The following LRRC37A2 variants were observed in gnomAD, a reference collection of about 807,000 sequenced individuals.
LRRC37A2 encodes leucine-rich repeat-containing protein 37A2.
LRRC37A2 carries 9 observed loss-of-function variants against 68.8 expected under a neutral mutation model. The ratio of observed to expected loss-of-function variants is 0.13; its 90% CI spans 0.08 to 0.23. The LOEUF is 0.23. Ranked by LOEUF, LRRC37A2 falls within the 10% of genes least tolerant of loss-of-function variation. The pLI, the probability that LRRC37A2 is intolerant of heterozygous loss-of-function variation, is 1.00. For missense variants in LRRC37A2, 168 were observed against 950.4 expected, an observed-to-expected ratio of 0.18 and a Z score of 10.82; for synonymous variants, 63 against 367.6, an observed-to-expected ratio of 0.17 and a Z score of 9.48.
the LRRC37A2 span, among the ~76,000 whole-genome samples, chr17:46,566,764 T>TA: frequency 5.7e-5 from 1 of 17,578 alleles, no homozygotes; most frequent in African/African-American, 6.1e-5. Context: ...AGGAAAAGAA[T>TA]AAAGCATTTT....
the LRRC37A2 span, chr17:46,851,649 C>T: frequency 2.3e-6 from 3 of 1,283,114 alleles, no homozygotes; most frequent in Non-Finnish European, 2.9e-6. The surrounding 1 kb of genome is among the most constrained non-coding windows in gnomAD (Gnocchi z 4.3). Context: ...ATGCGCCCCC[C>T]GCCCGCGCTG....
chr17:46,722,323 T>C, the LRRC37A2 span, among the ~76,000 whole-genome samples: 1 of 152,208 alleles, frequency 6.6e-6, no homozygotes, highest in African/African-American at 2.4e-5. Context: ...CCTCCTGGCA[T>C]CTTCTGTGTT....
At chr17:46,503,225 A>G in the LRRC37A2 span, among the ~76,000 whole-genome samples, 1 of 131,182 alleles carries the variant, frequency 7.6e-6, no homozygotes, top group Admixed American at 7.8e-5. Flanking sequence ...AAAAAAAAAA[A>G]ATAGTCTTCA....
chr17:46,921,828 A>G, the LRRC37A2 span, among the ~76,000 whole-genome samples: 2 of 152,212 alleles, frequency 1.3e-5, no homozygotes, highest in African/African-American at 4.8e-5. Context: ...AAAAGTCAGG[A>G]AACAACAGCT....
the LRRC37A2 span, among the ~76,000 whole-genome samples, chr17:46,737,479 T>C: frequency 6.6e-6 from 1 of 152,136 alleles, no homozygotes; most frequent in African/African-American, 2.4e-5. Context: ...TTTTAGCTCA[T>C]ACGAGGTGCT....
At chr17:46,716,996 T>G in the LRRC37A2 span, among the ~76,000 whole-genome samples, 1 of 152,208 alleles carries the variant, frequency 6.6e-6, no homozygotes, top group African/African-American at 2.4e-5. Flanking sequence ...GTTTCCAGGT[T>G]TTTTTCACAA....
intron 6 of LRRC37A2, among the ~76,000 whole-genome samples, chr17:46,531,911 T>G (rs2053687342): frequency 7.5e-6 from 1 of 133,236 alleles, no homozygotes; most frequent in Non-Finnish European, 1.5e-5. Context: ...TACTCCCATG[T>G]TTTTGTGTAA....
At chr17:46,923,878 T>C in the LRRC37A2 span, 2 of 398,622 alleles carry the variant, frequency 5.0e-6, no homozygotes, top group Non-Finnish European at 8.8e-6. Flanking sequence ...TGAGTATTAA[T>C]GGGGCCATAC....
downstream of LRRC37A2, among the ~76,000 whole-genome samples, chr17:46,558,388 T>TTTGG (rs944314782): frequency 3.8e-5 from 4 of 105,520 alleles, 1 homozygote; most frequent in African/African-American, 1.7e-4. Flanking sequence ...TTTTTTTGTG[T>TTTGG]TTTGTTTGTT....
chr17:46,861,173 G>C, the LRRC37A2 span, among the ~76,000 whole-genome samples: 1 of 152,342 alleles, frequency 6.6e-6, no homozygotes, highest in East Asian at 1.9e-4. Flanking sequence ...CGACCCTGTG[G>C]CCCAGGCCCT....
the LRRC37A2 span, among the ~76,000 whole-genome samples, chr17:46,963,374 A>G: frequency 6.6e-6 from 1 of 152,180 alleles, no homozygotes; most frequent in Non-Finnish European, 1.5e-5. Flanking sequence ...GTAAAATCCC[A>G]TCTCTACTAA....
At chr17:47,024,825 A>T in the LRRC37A2 span, 83 of 639,650 alleles carry the variant, frequency 1.3e-4, no homozygotes, top group East Asian at 2.1e-3. Flanking sequence ...CAAATTAGAT[A>T]ATCTCTCAGA....
chr17:46,932,243 C>G, the LRRC37A2 span: 6 of 1,611,122 alleles, frequency 3.7e-6, no homozygotes, highest in Non-Finnish European at 4.2e-6. Context: ...CTTGACAGAT[C>G]GTGGGGGCTG....
the LRRC37A2 span, chr17:46,726,427 G>A: frequency 2.3e-6 from 2 of 871,698 alleles, no homozygotes; most frequent in Middle Eastern, 2.2e-4. Context: ...ATTTATTGTA[G>A]TCCAAAGTGT....
chr17:46,605,981 C>G, the LRRC37A2 span, among the ~76,000 whole-genome samples: 1 of 46,798 alleles, frequency 2.1e-5, no homozygotes, highest in Admixed American at 3.6e-4. Context: ...GAAACCTCGT[C>G]TCTACTAAAA....
the LRRC37A2 span, among the ~76,000 whole-genome samples, chr17:46,969,451 T>C: frequency 6.6e-6 from 1 of 152,166 alleles, no homozygotes; most frequent in East Asian, 1.9e-4. Context: ...GTTTCCCCTA[T>C]GTCACAGTGA....
chr17:46,934,701 A>C, the LRRC37A2 span, among the ~76,000 whole-genome samples: 1 of 152,336 alleles, frequency 6.6e-6, no homozygotes, highest in East Asian at 1.9e-4. Context: ...TAGTCAGAGA[A>C]AGCCTTTAGG....
chr17:46,823,620 G>T, the LRRC37A2 span, among the ~76,000 whole-genome samples: 1 of 151,810 alleles, frequency 6.6e-6, no homozygotes, highest in African/African-American at 2.4e-5. Context: ...GTGTTTTTTT[G>T]GTAGAGACAG....
the LRRC37A2 span, among the ~76,000 whole-genome samples, chr17:46,779,552 G>A: frequency 6.6e-6 from 1 of 152,214 alleles, no homozygotes. Flanking sequence ...TGGGCTGCGG[G>A]TGCCCTGCAC....
Sources: gnomAD v4.1 joint callset for allele counts (sites outside exome capture counted in the v4.1 genomes callset) on GRCh38, gnomAD v4.1.1 for gene constraint, Gnocchi (gnomAD v3.1) non-coding constraint, MANE v1.5 for transcripts, NCBI Gene and HGNC (gene_info 2026-07-23, HGNC 2026-07-21) for gene names.